MCC: variants seen among roughly 807,000 people sequenced by gnomAD.
The protein encoded by MCC is colorectal mutant cancer protein.
In MCC, 90 loss-of-function variants were observed where a neutral mutation model predicts 116.2. That is an observed-to-expected ratio of 0.77 (90% confidence interval 0.65 to 0.92). MCC has a LOEUF of 0.92. Ranked by LOEUF, MCC falls within the 40% of genes least tolerant of loss-of-function variation. The pLI is 0.00. For missense variants in MCC, 1,516 were observed against 1,312.2 expected (o/e 1.16, Z -2.40); for synonymous variants, 578 against 510.5 (o/e 1.13, Z -1.78).
intron 3 of MCC, among the ~76,000 whole-genome samples, chr5:113,265,521 T>G (rs1765388238): frequency 6.6e-6 from 1 of 152,186 alleles, no homozygotes; most frequent in African/African-American, 2.4e-5. Context: ...TCTAGAAATC[T>G]CAGGCTTCTT....
chr5:113,036,660 T>A (rs1751350561), intron 17 of MCC, among the ~76,000 whole-genome samples: 1 of 152,210 alleles, frequency 6.6e-6, no homozygotes, highest in African/African-American at 2.4e-5. Context: ...AGGAAATCCA[T>A]CTGGAGTTTT....
intron 1 of MCC, chr5:113,436,531 TAAG>T (rs1343951938): frequency 6.6e-6 from 1 of 152,216 alleles, no homozygotes; most frequent in Non-Finnish European, 1.5e-5. Flanking sequence ...ACTCTGGCAG[TAAG>T]ATACAGCAGG....
Position 113,063,915 on chromosome 5 carries a change from C to T in MCC, c.2213+69G>A, listed in dbSNP as rs1216874813. ...ACAGTCCCCAAGAGCTGGGTCACTG[C>T]ACACCAAGTCCAGTGAACAGATGCC... On this transcript the variant is annotated intron_variant, in intron 14 of 18. Transcript: ENST00000408903. The T allele has an allele frequency of 3.3e-6, 5 of 1,494,228 alleles. No individual in the cohort carries two copies. In the Admixed American group the frequency reaches 7.9e-5, roughly 24 times the overall value. The allele number at this position is 1,494,228 out of a possible 1,614,324, so 92.6% of individuals were successfully genotyped here.
rs1581061931 is a variant in MCC, at chr5:113,101,816, T to C, written c.1321A>G (p.Ser441Gly). The C allele has an allele frequency of 6.2e-7, 1 of 1,613,638 alleles. No individual in the cohort carries two copies. The highest frequency in any genetic ancestry group is 2.2e-5 in the East Asian group (1 of 44,854). Residue 441 changes from serine to glycine, a missense_variant, in exon 8 of 19, where the codon AGC becomes GGC. Ser to Gly is a moderately conservative substitution (Grantham distance 56). Transcript: ENST00000408903. ...GTCCGGTTCAGTTCTTCCTCTTTGCTGCACAGCATGGCAGTCAGGCTCTCA... is the reference window on the plus strand; with the variant it reads ...GTCCGGTTCAGTTCTTCCTCTTTGCCGCACAGCATGGCAGTCAGGCTCTCA... ...ENESLTAMLC[S>G]KEEELNRTKA... is the part of the protein sequence containing the mutation.
chr5:113,394,193 A>G (rs1442781905), intron 1 of MCC, among the ~76,000 whole-genome samples: 1 of 152,092 alleles, frequency 6.6e-6, no homozygotes, highest in Non-Finnish European at 1.5e-5. Context: ...GAAGTTATCT[A>G]GGATGTTTCT....
intron 16 of MCC, among the ~76,000 whole-genome samples, chr5:113,045,862 T>C (rs1440220433): frequency 6.6e-6 from 1 of 151,584 alleles, no homozygotes; most frequent in East Asian, 1.9e-4. Context: ...CTGGTCTCCC[T>C]GTTGCCTCTG....
In MCC at chr5:113,027,094, G is replaced by A; in HGVS notation, c.*208C>T. The A allele has an allele frequency of 1.8e-6, 1 of 569,910 alleles. No individual in the cohort carries two copies. The allele number at this position is 569,910 out of a possible 1,614,324, so 35.3% of individuals were successfully genotyped here. A position where few individuals can be genotyped will look rare whatever the true frequency, so the allele number is the denominator to read the frequency against. On this transcript the variant is annotated 3_prime_UTR_variant, in exon 19 of 19. Transcript: ENST00000408903. ...TACACGCTGTTGTGGGCCCAGGAGG[G>A]AAGAGCGGGCACCTCTGGATACAGT... is the stretch of plus-strand genomic sequence containing the variant.
At chr5:113,092,666 A>C (rs903507549) in intron 8 of MCC, among the ~76,000 whole-genome samples, 1 of 152,218 alleles carries the variant, frequency 6.6e-6, no homozygotes, top group Non-Finnish European at 1.5e-5. Flanking sequence ...AGAAAATTAA[A>C]CCTGAGAAAA....
chr5:113,241,350 A>G (rs1399280182), intron 3 of MCC, among the ~76,000 whole-genome samples: 3 of 152,192 alleles, frequency 2.0e-5, no homozygotes, highest in Non-Finnish European at 4.4e-5. Flanking sequence ...CAAATTTTGG[A>G]AAGACAGAAT....
At chr5:113,261,361 A>G (rs1765213239) in intron 3 of MCC, among the ~76,000 whole-genome samples, 2 of 152,194 alleles carry the variant, frequency 1.3e-5, no homozygotes, top group Admixed American at 1.3e-4. Flanking sequence ...GCACTATCCC[A>G]TCATAAATCT....
At chr5:113,461,779 T>C (rs1236550103) in intron 1 of MCC, among the ~76,000 whole-genome samples, 3 of 145,590 alleles carry the variant, frequency 2.1e-5, no homozygotes, top group Non-Finnish European at 3.0e-5. Context: ...TTCTGACAGG[T>C]GTTTACAACA....
At chr5:113,125,948 A>G (rs1442385624) in intron 5 of MCC, among the ~76,000 whole-genome samples, 2 of 152,290 alleles carry the variant, frequency 1.3e-5, no homozygotes, top group East Asian at 3.9e-4. Context: ...AAAAACATGG[A>G]AAAAAAGTGT....
chr5:113,362,211 G>C (rs1338287168), intron 2 of MCC, among the ~76,000 whole-genome samples: 2 of 152,152 alleles, frequency 1.3e-5, no homozygotes, highest in Admixed American at 6.6e-5. Context: ...CCCAGCTGGA[G>C]TGCTGTGGTT....
intron 1 of MCC, chr5:113,433,680 TC>T: frequency 6.4e-7 from 1 of 1,555,384 alleles, no homozygotes; most frequent in African/African-American, 1.4e-5. Flanking sequence ...CTTGACTTCT[TC>T]AGAGCTTGGG....
intron 3 of MCC, among the ~76,000 whole-genome samples, chr5:113,244,397 G>A (rs1480249931): frequency 6.6e-6 from 1 of 152,214 alleles, no homozygotes; most frequent in Non-Finnish European, 1.5e-5. Flanking sequence ...AGCAAATGGA[G>A]GAAATACTCC....
chr5:113,238,889 G>C (rs1398784739), intron 3 of MCC, among the ~76,000 whole-genome samples: 1 of 152,216 alleles, frequency 6.6e-6, no homozygotes, highest in African/African-American at 2.4e-5. Flanking sequence ...GTTACAAGAA[G>C]AGGTACATAT....
intron 3 of MCC, among the ~76,000 whole-genome samples, chr5:113,338,265 G>T (rs10072511): frequency 0.54 from 82,433 of 152,022 alleles, 24,147 homozygotes; most frequent in African/African-American, 0.76. Context: ...ATGTTAGGCA[G>T]TGTTCCCTCA....
At chr5:113,065,864 G>C (rs1029174733) in intron 13 of MCC, among the ~76,000 whole-genome samples, 4 of 152,178 alleles carry the variant, frequency 2.6e-5, no homozygotes, top group African/African-American at 9.7e-5. Flanking sequence ...AGGCTTAATG[G>C]GGAACTGCTA....
intron 3 of MCC, among the ~76,000 whole-genome samples, chr5:113,266,897 G>GGGATCCAT (rs1765442622): frequency 6.6e-6 from 1 of 152,056 alleles, no homozygotes; most frequent in African/African-American, 2.4e-5. Flanking sequence ...CAGGGATCCA[G>GGGATCCAT]GTCACATTTC....
Sources: gnomAD v4.1 joint callset for allele counts (sites outside exome capture counted in the v4.1 genomes callset) on GRCh38, gnomAD v4.1.1 for gene constraint, MANE v1.5 for transcripts, NCBI Gene and HGNC (gene_info 2026-07-23, HGNC 2026-07-21) for gene names.